BBX: variants seen among roughly 807,000 people sequenced by gnomAD.
The protein encoded by BBX is HMG box transcription factor BBX.
In BBX, 30 loss-of-function variants were observed where a neutral mutation model predicts 100.2. The observed-to-expected ratio is 0.30, with a 90% CI of 0.22 to 0.41. The LOEUF (loss-of-function observed/expected upper bound fraction) is 0.41, where lower values mean the gene tolerates loss of function less well. Ranked by LOEUF, BBX falls within the 10% of genes least tolerant of loss-of-function variation. The pLI is 1.00. For missense variants in BBX, 1,023 were observed against 1,129.8 expected (o/e 0.91, Z 1.35); for synonymous variants, 376 against 388.1 (o/e 0.97, Z 0.37).
intron 3 of BBX, among the ~76,000 whole-genome samples, chr3:107,693,742 A>AT (rs1220777592): frequency 6.6e-6 from 1 of 151,748 alleles, no homozygotes; most frequent in African/African-American, 2.4e-5. Context: ...GAAGAAAGTC[A>AT]TGGTAGCTTG....
Position 107,563,391 on chromosome 3 carries a change from C to T in BBX, c.-84+36993C>T, listed in dbSNP as rs537544996. 3.9e-5 allele frequency among the ~76,000 whole-genome samples: 6 copies of T among 152,308 alleles called. No homozygotes were observed. The South Asian group carries it at 1.2e-3, about 32-fold the overall frequency. On this transcript the variant is annotated intron_variant, in intron 2 of 17. Transcript: ENST00000325805. ...GTGTACAAATATCTCTATACAAAGC[C>T]TGCATTTCTTTTTATTAAACTCATA... is the stretch of plus-strand genomic sequence containing the variant.
intron 2 of BBX, among the ~76,000 whole-genome samples, chr3:107,627,953 G>A (rs551027297): frequency 1.3e-5 from 2 of 151,880 alleles, no homozygotes; most frequent in South Asian, 4.2e-4. Flanking sequence ...AATAATAAGG[G>A]AACTATAATA....
At position 107,610,209 on chromosome 3, in the gene BBX, T is replaced by G. The variant is rs574192311; in HGVS notation, c.-83-35627T>G. Among the ~76,000 whole-genome samples, 20 of 152,252 alleles carry G rather than the reference T, an allele frequency of 1.3e-4. No homozygotes were observed. The South Asian group carries it at 3.1e-3, about 24-fold the overall frequency. On this transcript the variant is annotated intron_variant, in intron 2 of 17. Coordinates refer to ENST00000325805, the MANE Select transcript of BBX (RefSeq NM_001142568.3). ...TTATTATTGATTTCTAGTTTTATTC[T>G]ATTTTGTGGTCAGAGAAAATGCTTA...
rs188149330 is a variant in BBX at position 107,764,067 on chromosome 3, G to A, written c.906+8389G>A. 2.8e-3 allele frequency among the ~76,000 whole-genome samples: 422 copies of A among 152,104 alleles called. 1 individual carries two copies. Among genetic ancestry groups the A allele is most frequent in the Middle Eastern group, 0.01 (3 of 294 alleles). ...GAGTGCAGTGGCACGATCTCAGCTC[G>A]CTGCAACCTCTGCCTCCTGGGTTCA... On this transcript the variant is annotated intron_variant, in intron 10 of 17. Coordinates refer to ENST00000325805, the MANE Select transcript of BBX (RefSeq NM_001142568.3).
chr3:107,736,499 G>A (rs545057539), intron 7 of BBX, among the ~76,000 whole-genome samples: 20 of 151,570 alleles, frequency 1.3e-4, no homozygotes, highest in African/African-American at 1.9e-4. Flanking sequence ...TCAAACTCAG[G>A]GAAGAACTAA....
chr3:107,568,238 G>C (rs1168775456), intron 2 of BBX, among the ~76,000 whole-genome samples: 2 of 149,884 alleles, frequency 1.3e-5, no homozygotes, highest in Non-Finnish European at 3.0e-5. Context: ...ATGTTCTTCA[G>C]TTATGTCAGA....
At chr3:107,637,721 T>A (rs2056936007) in intron 2 of BBX, among the ~76,000 whole-genome samples, 1 of 152,184 alleles carries the variant, frequency 6.6e-6, no homozygotes, top group Non-Finnish European at 1.5e-5. Context: ...AGACCTGGGA[T>A]GTTGTCACAG....
At chr3:107,675,189 A>C (rs2059218957) in intron 3 of BBX, among the ~76,000 whole-genome samples, 1 of 152,174 alleles carries the variant, frequency 6.6e-6, no homozygotes, top group Non-Finnish European at 1.5e-5. Flanking sequence ...TTCAGAGCTG[A>C]AAGAATGTAT....
rs749241264 is a variant in BBX at position 107,789,725 on chromosome 3, A to G, written c.2204-62A>G. 101 of 1,197,686 alleles carry G rather than the reference A, an allele frequency of 8.4e-5. No homozygotes were observed. The Middle Eastern group carries it at 3.1e-3, about 37-fold the overall frequency. 74.2% of individuals were successfully genotyped at this position (1,197,686 alleles called of 1,614,324 possible). ...GAGGAGGGTGGAATTGTTGAGAAAT[A>G]CACAATATTTTTTATGAAACATTGT... On this transcript the variant is annotated intron_variant, in intron 13 of 17. Coordinates refer to ENST00000325805, the MANE Select transcript of BBX (RefSeq NM_001142568.3).
chr3:107,585,696 T>G (rs2052779602), intron 2 of BBX, among the ~76,000 whole-genome samples: 1 of 152,182 alleles, frequency 6.6e-6, no homozygotes, highest in Non-Finnish European at 1.5e-5. Flanking sequence ...GATGCTGTAT[T>G]GGCATAACCA....
chr3:107,570,306 G>T (rs906280420), intron 2 of BBX, among the ~76,000 whole-genome samples: 1 of 152,152 alleles, frequency 6.6e-6, no homozygotes, highest in Admixed American at 6.5e-5. Flanking sequence ...CTGTTGTGGG[G>T]TTTGAGGGCC....
chr3:107,772,766 A>G lies in BBX; in HGVS notation c.1045A>G (p.Arg349Gly), dbSNP rs1439507544. The G allele has an allele frequency of 6.2e-7, 1 of 1,613,136 alleles. No individual in the cohort carries two copies. The highest frequency in any genetic ancestry group is 1.1e-5 in the South Asian group (1 of 90,626). The change falls in exon 11 of 18, where the codon AGG becomes GGG. Residue 349 changes from arginine to glycine, a missense_variant. Physicochemically the swap from Arg to Gly is moderately radical, Grantham distance 125. Around this residue, in one of 9 missense-constraint regions of BBX, gnomAD observed 348 missense variants for 353.2 expected, o/e 0.99. Coordinates refer to ENST00000325805, the MANE Select transcript of BBX (RefSeq NM_001142568.3). Reference sequence around the variant, plus strand: ...TAAAATGGAGAAAACAGATGAAACTAGGTTACAGAAGGAAGCAGAATTTGA... The same window carrying G: ...TAAAATGGAGAAAACAGATGAAACTGGGTTACAGAAGGAAGCAGAATTTGA... ...EIKMEKTDET[R>G]LQKEAEFEKS...
intron 10 of BBX, among the ~76,000 whole-genome samples, chr3:107,759,362 T>G (rs1468680542): frequency 6.6e-6 from 1 of 152,218 alleles, no homozygotes; most frequent in Non-Finnish European, 1.5e-5. Context: ...TGGACCTCCA[T>G]GAAGTTCATA....
At chr3:107,699,684 GA>G (rs2060903374) in intron 3 of BBX, among the ~76,000 whole-genome samples, 1 of 151,916 alleles carries the variant, frequency 6.6e-6, no homozygotes, top group Admixed American at 6.5e-5. Flanking sequence ...TTCAGTTTAT[GA>G]AGAGAAACTT....
intron 3 of BBX, among the ~76,000 whole-genome samples, chr3:107,647,943 G>T (rs1024436669): frequency 3.9e-5 from 6 of 152,186 alleles, no homozygotes; most frequent in Non-Finnish European, 7.3e-5. Context: ...CTGCTTGGAA[G>T]TGGCACATGT....
At chr3:107,544,566 TA>T (rs1229296538) in intron 2 of BBX, among the ~76,000 whole-genome samples, 3 of 152,068 alleles carry the variant, frequency 2.0e-5, no homozygotes, top group African/African-American at 7.2e-5. Flanking sequence ...ATCGTTACTT[TA>T]AAAGTTATAA....
chr3:107,798,851 C>A (rs928780565), intron 16 of BBX, 131 bp downstream of exon 16: 258 of 878,492 alleles, frequency 2.9e-4, no homozygotes, highest in African/African-American at 1.9e-3. Context: ...AAAAAAAAAA[C>A]AAAAACAAAA....
At position 107,716,775 on chromosome 3, in the gene BBX, A is replaced by T. The variant is rs1309182412; in HGVS notation, c.331A>T (p.Thr111Ser). The T allele has an allele frequency of 1.2e-6, 2 of 1,613,666 alleles. No homozygotes were observed. Among genetic ancestry groups the T allele is most frequent in the Non-Finnish European group, 8.5e-7 (1 of 1,179,778 alleles). ...EHPRLDNRGA[T>S]KILADWWAVL... Reference sequence around the variant, plus strand: ...CCCCAGGCTTGATAACCGAGGTGCTACCAAGATACTAGCTGATTGGTGGGC... The same window carrying T: ...CCCCAGGCTTGATAACCGAGGTGCTTCCAAGATACTAGCTGATTGGTGGGC... The change falls in exon 5 of 18, where the codon ACC becomes TCC. Residue 111 changes from threonine to serine, a missense_variant. Thr to Ser is a moderately conservative substitution (Grantham distance 58). Coordinates refer to ENST00000325805, the MANE Select transcript of BBX (RefSeq NM_001142568.3).
intron 9 of BBX, among the ~76,000 whole-genome samples, chr3:107,752,340 T>TA (rs1395200998): frequency 6.6e-6 from 1 of 152,226 alleles, no homozygotes. Flanking sequence ...ACCATATACT[T>TA]ACACTGTAAC....
Sources: allele counts gnomAD v4.1 joint callset (sites outside exome capture counted in the v4.1 genomes callset), GRCh38; gene constraint gnomAD v4.1.1; regional missense constraint gnomAD v4.1.1; transcripts MANE v1.5; gene names NCBI Gene and HGNC (gene_info 2026-07-23, HGNC 2026-07-21).